DPP10: variants seen among roughly 807,000 people sequenced by gnomAD.
DPP10 encodes inactive dipeptidyl peptidase 10.
A neutral mutation model predicts 120.9 loss-of-function variants in DPP10; 33 were observed. The observed-to-expected ratio is 0.27, with a 90% confidence interval of 0.21 to 0.37. The LOEUF (loss-of-function observed/expected upper bound fraction) is 0.37. DPP10 is among the 10% of genes least tolerant of loss of function. DPP10 has a pLI of 1.00. For missense variants in DPP10, 816 were observed against 942.8 expected, an observed-to-expected ratio of 0.87 and a Z score of 1.76; for synonymous variants, 337 against 326.1, an observed-to-expected ratio of 1.03 and a Z score of -0.36.
At chr2:115,825,501 T>A (rs1688217541) in intron 21 of DPP10, among the ~76,000 whole-genome samples, 1 of 152,230 alleles carries the variant, frequency 6.6e-6, no homozygotes, top group African/African-American at 2.4e-5. Flanking sequence ...TTATTTGATT[T>A]TTTTGTTGCA....
chr2:115,245,849 C>A (rs1023957376), intron 1 of DPP10, among the ~76,000 whole-genome samples: 8 of 152,072 alleles, frequency 5.3e-5, no homozygotes, highest in South Asian at 2.1e-4. Flanking sequence ...TTATATATAT[C>A]TTAATGAGAC....
intron 1 of DPP10, among the ~76,000 whole-genome samples, chr2:114,890,819 C>A: frequency 6.6e-6 from 1 of 152,128 alleles, no homozygotes; most frequent in Non-Finnish European, 1.5e-5. Context: ...TACAATATAG[C>A]CAAATGCTGT....
chr2:114,684,727 C>T (rs966462766), intron 1 of DPP10, among the ~76,000 whole-genome samples: 3 of 151,846 alleles, frequency 2.0e-5, no homozygotes, highest in East Asian at 1.9e-4. Context: ...GGAAAGAGGT[C>T]GGTGGATGGA....
At chr2:114,693,809 C>T (rs1402192396) in intron 1 of DPP10, among the ~76,000 whole-genome samples, 9 of 151,606 alleles carry the variant, frequency 5.9e-5, no homozygotes, top group Admixed American at 5.9e-4. Context: ...TCTTTTCTGC[C>T]TGTCTTATTT....
chr2:115,395,837 G>C (rs2067639923), intron 3 of DPP10, among the ~76,000 whole-genome samples: 1 of 151,864 alleles, frequency 6.6e-6, no homozygotes. Flanking sequence ...GAATGGGAAT[G>C]ACACATTATA....
intron 1 of DPP10, among the ~76,000 whole-genome samples, chr2:115,180,646 T>A (rs924562852): frequency 3.3e-5 from 5 of 152,216 alleles, no homozygotes; most frequent in Non-Finnish European, 7.3e-5. Context: ...TCTTATGACA[T>A]ACCCAATGGT....
intron 5 of DPP10, among the ~76,000 whole-genome samples, chr2:115,666,016 C>T (rs1438803087): frequency 6.6e-6 from 1 of 152,006 alleles, no homozygotes; most frequent in African/African-American, 2.4e-5. Context: ...TAGTACCCAA[C>T]AGGTAGTTTT....
At chr2:115,155,787 G>C (rs1309137555) in intron 1 of DPP10, among the ~76,000 whole-genome samples, 1 of 152,044 alleles carries the variant, frequency 6.6e-6, no homozygotes, top group African/African-American at 2.4e-5. Context: ...TGGGATTTAT[G>C]GTATTTCATT....
intron 1 of DPP10, among the ~76,000 whole-genome samples, chr2:114,899,589 G>T (rs574445269): frequency 1.6e-4 from 24 of 150,020 alleles, no homozygotes; most frequent in African/African-American, 5.6e-4. Context: ...ATGGGTTTTT[G>T]AAGCTTATGT....
intron 1 of DPP10, among the ~76,000 whole-genome samples, chr2:114,936,211 T>C (rs1052042623): frequency 6.6e-6 from 1 of 152,072 alleles, no homozygotes; most frequent in Admixed American, 6.6e-5. Flanking sequence ...ATAGCTTAGC[T>C]CGCACTTTAA....
At chr2:115,381,648 G>A (rs1009696480) in intron 3 of DPP10, among the ~76,000 whole-genome samples, 3 of 152,264 alleles carry the variant, frequency 2.0e-5, no homozygotes, top group South Asian at 2.1e-4. Flanking sequence ...AGAGTTTCCA[G>A]TTTTTCTGCT....
intron 1 of DPP10, among the ~76,000 whole-genome samples, chr2:114,993,597 T>A (rs1029794440): frequency 6.9e-6 from 1 of 144,840 alleles, no homozygotes; most frequent in Non-Finnish European, 1.5e-5. Flanking sequence ...TATATATATA[T>A]ATATATATAT....
At chr2:115,727,669 CAATAAAAACATATGCCTTG>C in intron 7 of DPP10, 128 bp from the exon 8 acceptor site, 3 of 791,718 alleles carry the variant, frequency 3.8e-6, no homozygotes, top group Non-Finnish European at 5.3e-6. Context: ...TAATTGAAAG[CAATAAAAACATATGCCTTG>C]AATAAAAACA....
At chr2:114,603,389 G>A (rs924184550) in intron 1 of DPP10, among the ~76,000 whole-genome samples, 4 of 152,024 alleles carry the variant, frequency 2.6e-5, no homozygotes, top group African/African-American at 9.7e-5. Flanking sequence ...ATGTGATCAT[G>A]GGAAAATTAC....
chr2:115,203,020 G>A (rs1247624261), intron 1 of DPP10, among the ~76,000 whole-genome samples: 1 of 152,068 alleles, frequency 6.6e-6, no homozygotes, highest in Non-Finnish European at 1.5e-5. Flanking sequence ...TAGAAATAAA[G>A]GCATAAAGGA....
intron 1 of DPP10, among the ~76,000 whole-genome samples, chr2:114,769,279 G>A (rs1681031990): frequency 1.3e-5 from 2 of 152,074 alleles, no homozygotes; most frequent in South Asian, 4.1e-4. Context: ...TCTCTGAGCT[G>A]GTGGTTAACT....
intron 3 of DPP10, among the ~76,000 whole-genome samples, chr2:115,488,716 T>G (rs533423689): frequency 8.1e-6 from 1 of 123,256 alleles, no homozygotes; most frequent in Non-Finnish European, 1.7e-5. Context: ...AATATCACAC[T>G]CCTGGGACTG....
chr2:114,898,585 G>C (rs1693261583), intron 1 of DPP10, among the ~76,000 whole-genome samples: 1 of 152,052 alleles, frequency 6.6e-6, no homozygotes, highest in Non-Finnish European at 1.5e-5. Context: ...TATTGTAATG[G>C]ACAGTTAAAT....
chr2:115,403,201 CCTTTT>C, intron 3 of DPP10, among the ~76,000 whole-genome samples: 1 of 151,438 alleles, frequency 6.6e-6, no homozygotes, highest in East Asian at 1.9e-4. Flanking sequence ...AACTCAGCAC[CCTTTT>C]CTTATAAAAA....
Sources: gnomAD v4.1 joint callset for allele counts (sites outside exome capture counted in the v4.1 genomes callset) on GRCh38, gnomAD v4.1.1 for gene constraint, MANE v1.5 for transcripts, NCBI Gene and HGNC (gene_info 2026-07-23, HGNC 2026-07-21) for gene names.